The following PHACTR4 variants were observed in gnomAD, a reference collection of about 807,000 sequenced individuals.
PHACTR4 encodes phosphatase and actin regulator 4.
In PHACTR4, 51 loss-of-function variants were observed where a neutral mutation model predicts 72.7. That is an observed-to-expected ratio of 0.70 (90% CI 0.56 to 0.89). PHACTR4 has a LOEUF of 0.89. Ranked by LOEUF, PHACTR4 falls within the 40% of genes least tolerant of loss-of-function variation. The pLI is 0.00. For synonymous variants in PHACTR4, 255 were observed against 302.5 expected (o/e 0.84, Z 1.63); for missense variants, 731 against 861.8 (o/e 0.85, Z 1.90).
At chr1:28,389,542 A>G (rs1198761426) in intron 1 of PHACTR4, among the ~76,000 whole-genome samples, 1 of 150,056 alleles carries the variant, frequency 6.7e-6, no homozygotes, top group East Asian at 1.9e-4. Flanking sequence ...CAGTGACGCA[A>G]TCTCGGCTCA....
chr1:28,428,424 T>C (rs1656010403), intron 2 of PHACTR4, among the ~76,000 whole-genome samples: 1 of 152,210 alleles, frequency 6.6e-6, no homozygotes, highest in Non-Finnish European at 1.5e-5. Flanking sequence ...TCCCCTGGGA[T>C]ATCCTCAAGA....
At chr1:28,430,968 G>A (rs1320410291) in intron 2 of PHACTR4, among the ~76,000 whole-genome samples, 2 of 151,746 alleles carry the variant, frequency 1.3e-5, no homozygotes, top group Admixed American at 1.3e-4. Context: ...ACGAGGTCGG[G>A]AGATCGAGAC....
chr1:28,400,702 C>G (rs1319981931), intron 1 of PHACTR4, among the ~76,000 whole-genome samples: 1 of 152,038 alleles, frequency 6.6e-6, no homozygotes, highest in Non-Finnish European at 1.5e-5. Flanking sequence ...GCCTCAACCT[C>G]CAGAGTAGCC....
intron 8 of PHACTR4, among the ~76,000 whole-genome samples, chr1:28,477,694 C>G (rs1296486786): frequency 6.6e-6 from 1 of 151,882 alleles, no homozygotes; most frequent in African/African-American, 2.4e-5. Flanking sequence ...AACACTAGAT[C>G]TTATTCCTTT....
rs7542424 is a variant in PHACTR4, at chr1:28,416,261, T to G, written c.16+8798T>G. Among the ~76,000 whole-genome samples the G allele has an allele frequency of 3.8e-3, 576 of 152,268 alleles. 8 individuals are homozygous for G. Among genetic ancestry groups the G allele is most frequent in the African/African-American group, 0.013 (551 of 41,548 alleles). On this transcript the variant is annotated intron_variant, in intron 2 of 13. Coordinates refer to ENST00000373839, the MANE Select transcript of PHACTR4 (RefSeq NM_001048183.3). The stretch of plus-strand genomic sequence containing the variant: ...GATGAGAAATTTAATATAGCATTAT[T>G]ATAAATATATATTAAATATCCTCTG...
chr1:28,472,958 T>C (rs959467444), intron 6 of PHACTR4, among the ~76,000 whole-genome samples: 1 of 151,364 alleles, frequency 6.6e-6, no homozygotes, highest in African/African-American at 2.4e-5. Flanking sequence ...TCTATTCATA[T>C]TAACTACACC....
chr1:28,397,622 C>T (rs1653610888), intron 1 of PHACTR4, among the ~76,000 whole-genome samples: 2 of 151,456 alleles, frequency 1.3e-5, no homozygotes, highest in South Asian at 4.2e-4. Flanking sequence ...TTTGTATGTA[C>T]AATCTGAGGC....
Position 28,491,724 on chromosome 1 carries a change from A to G in PHACTR4, c.1953A>G (p.Thr651=), listed in dbSNP as rs1474589507. The G allele has an allele frequency of 6.2e-6, 10 of 1,614,202 alleles. No individual in the cohort carries two copies. Among genetic ancestry groups the G allele is most frequent in the Non-Finnish European group, 8.5e-6 (10 of 1,180,036 alleles). The change falls in exon 12 of 14, where the codon ACA becomes ACG. Residue 651 remains threonine, a synonymous_variant. Coordinates refer to ENST00000373839, the MANE Select transcript of PHACTR4 (RefSeq NM_001048183.3). ...GGTTTAATGAATATGTAGAGGTAAC[A>G]GATGCTCAAGATTATGACCGGCGAG... ...ILRFNEYVEV[T]DAQDYDRRAD...
chr1:28,419,163 T>C (rs1557801368), intron 2 of PHACTR4, among the ~76,000 whole-genome samples: 2 of 151,254 alleles, frequency 1.3e-5, no homozygotes, highest in South Asian at 2.1e-4. Context: ...TTTGTATTTT[T>C]AGTAGAGACA....
At chr1:28,464,332 C>G (rs998592696) in intron 4 of PHACTR4, among the ~76,000 whole-genome samples, 3 of 152,202 alleles carry the variant, frequency 2.0e-5, no homozygotes, top group Non-Finnish European at 4.4e-5. Context: ...GTGCCCCAAA[C>G]ACGTTGAATA....
chr1:28,389,625 G>A (rs1035306374), intron 1 of PHACTR4, among the ~76,000 whole-genome samples: 3 of 151,982 alleles, frequency 2.0e-5, no homozygotes, highest in Non-Finnish European at 2.9e-5. Flanking sequence ...CGACGGGCGC[G>A]TGCCACCACG....
intron 2 of PHACTR4, among the ~76,000 whole-genome samples, chr1:28,411,243 C>T (rs182675815): frequency 2.2e-4 from 33 of 152,072 alleles, no homozygotes; most frequent in Admixed American, 5.2e-4. Context: ...GACGGGATTT[C>T]GCCATATTGG....
In PHACTR4 at chr1:28,432,124, A is replaced by C. The variant is rs982747362; in HGVS notation, c.16+24661A>C. On this transcript the variant is annotated intron_variant, in intron 2 of 13. Coordinates refer to ENST00000373839, the MANE Select transcript of PHACTR4 (RefSeq NM_001048183.3). The stretch of plus-strand genomic sequence containing the variant: ...CTCAGGAGGGTGAGGCAGGAGAATC[A>C]CTTGAACCCAGGAGGTGGAGGTTGC... 1.9e-4 allele frequency among the ~76,000 whole-genome samples: 29 copies of C among 152,048 alleles called. 2 individuals carry two copies. The highest frequency in any genetic ancestry group is 1.5e-5 in the Non-Finnish European group (1 of 68,000).
intron 2 of PHACTR4, chr1:28,457,235 AGTT>A: frequency 1.7e-5 from 7 of 407,088 alleles, no homozygotes; most frequent in South Asian, 1.2e-4. Flanking sequence ...TGAATTTGGC[AGTT>A]GTTTCTTTTA....
Position 28,490,984 on chromosome 1 carries a change from G to A in PHACTR4, c.1850G>A (p.Arg617Gln), listed in dbSNP as rs201171254. ...KNEADRQAEK[R>Q]EIKRRLTRKL... ...GAAGCTGATCGTCAGGCAGAAAAAC[G>A]AGAAATTAAACGTCGGCTCACTAGA... Residue 617 changes from arginine to glutamine, a missense_variant, in exon 11 of 14, where the codon CGA (arginine) becomes CAA (glutamine). Transcript: ENST00000373839. 103 of 1,613,874 alleles carry A rather than the reference G, an allele frequency of 6.4e-5. No individual in the cohort carries two copies. In the African/African-American group the frequency reaches 1.1e-3, roughly 17 times the overall value.
chr1:28,497,614 CCT>C lies in PHACTR4; in HGVS notation c.*1066_*1067del, dbSNP rs1661436303. 6.6e-6 allele frequency: 1 copy of C among 151,412 alleles called. No homozygotes were observed. The highest frequency in any genetic ancestry group is 2.4e-5 in the African/African-American group (1 of 41,200). 9.4% of individuals were successfully genotyped at this position (151,412 alleles called of 1,614,324 possible). On this transcript the variant is annotated 3_prime_UTR_variant, in exon 14 of 14. Transcript: ENST00000373839. ...AAAAACAAGAAAGGCGTTTTGAGCC[CCT>C]GTGCTCAGGCCCACTCCCACACTGT...
intron 9 of PHACTR4, among the ~76,000 whole-genome samples, chr1:28,485,797 G>A (rs1660606276): frequency 6.6e-6 from 1 of 150,924 alleles, no homozygotes. Flanking sequence ...TACTCAGGAG[G>A]CTGAGGCAGG....
At position 28,465,799 on chromosome 1, in the gene PHACTR4, T is replaced by C; in HGVS notation, c.386T>C (p.Leu129Ser). Residue 129 changes from leucine to serine, a missense_variant, in exon 5 of 14, where the codon TTA becomes TCA. By Grantham distance (145) the Leu-to-Ser change is moderately radical (BLOSUM62 -2). Around this residue, in one of 2 missense-constraint regions of PHACTR4, gnomAD observed 621 missense variants for 676.6 expected, o/e 0.92. Coordinates refer to ENST00000373839, the MANE Select transcript of PHACTR4 (RefSeq NM_001048183.3). ...CAAGTAGAGGAAGAGCCAGTAAGAT[T>C]AGCAAGTCTTAGGAAAGCTATTCCA... is the stretch of plus-strand genomic sequence containing the variant. ...PVQVEEEPVR[L>S]ASLRKAIPEE... 6.2e-7 allele frequency: 1 copy of C among 1,613,938 alleles called. No individual in the cohort carries two copies. The highest frequency in any genetic ancestry group is 8.5e-7 in the Non-Finnish European group (1 of 1,179,946).
chr1:28,478,424 C>T (rs919185243), intron 8 of PHACTR4, among the ~76,000 whole-genome samples: 5 of 151,788 alleles, frequency 3.3e-5, no homozygotes, highest in Admixed American at 2.6e-4. Flanking sequence ...ATTGCTGGAT[C>T]GTATGGTAGT....
Sources: gnomAD v4.1 joint callset for allele counts (sites outside exome capture counted in the v4.1 genomes callset) on GRCh38, gnomAD v4.1.1 for gene constraint, gnomAD v4.1.1 regional missense constraint, MANE v1.5 for transcripts, NCBI Gene and HGNC (gene_info 2026-07-23, HGNC 2026-07-21) for gene names.